The following VOPP1 variants were observed in gnomAD, a reference collection of about 807,000 sequenced individuals.
VOPP1 encodes WW domain binding protein VOPP1.
Under a neutral mutation model 23.5 loss-of-function variants are expected in VOPP1, and 8 were observed. The ratio of observed to expected loss-of-function variants is 0.34; its 90% CI spans 0.20 to 0.61. The LOEUF (loss-of-function observed/expected upper bound fraction) is 0.61. VOPP1 is among the 20% of genes least tolerant of loss of function. The pLI is 0.78. For synonymous variants in VOPP1, 83 were observed against 97.3 expected, an observed-to-expected ratio of 0.85 and a Z score of 0.86; for missense variants, 174 against 238.1, an observed-to-expected ratio of 0.73 and a Z score of 1.77.
At chr7:55,572,245 G>C (rs1284796189) in intron 1 of VOPP1, 26 bp downstream of exon 1, 3 of 1,511,434 alleles carry the variant, frequency 2.0e-6, no homozygotes, top group Admixed American at 2.0e-5. Flanking sequence ...CCGCGCCTCC[G>C]GCAGCACCCG....
chr7:55,473,018 T>G lies in VOPP1; in HGVS notation c.356A>C (p.Tyr119Ser), dbSNP rs200333153. The change falls in exon 5 of 5, where the codon TAC becomes TCC. Residue 119 changes from tyrosine to serine, a missense_variant. Physicochemically the swap from Tyr to Ser is moderately radical, Grantham distance 144 (BLOSUM62 -2). Transcript: ENST00000285279. ...PGAQQPGPPY[Y>S]TDPGGPGMNP... Reference sequence around the variant, plus strand: ...CATCCCCGGTCCTCCTGGGTCGGTGTAATAGGGCGGCCCCGGCTGCTGGGC... The same window carrying G: ...CATCCCCGGTCCTCCTGGGTCGGTGGAATAGGGCGGCCCCGGCTGCTGGGC... 255 of 1,598,762 alleles carry G rather than the reference T, an allele frequency of 1.6e-4. 1 individual carries two copies. Among genetic ancestry groups the G allele is most frequent in the Non-Finnish European group, 2.0e-4 (237 of 1,174,228 alleles).
Position 55,472,882 on chromosome 7 carries a change from C to T in VOPP1, c.492G>A (p.Pro164=), listed in dbSNP as rs534581582. Residue 164 remains proline, a synonymous_variant, in exon 5 of 5, where the codon CCG becomes CCA. Transcript: ENST00000285279. ...ACTTGGCCTTCACTACCTGTTCGTA[C>T]GGGGGCGGAGGCGTGTTGCAGTAGG... ...PPAYCNTPPP[P]YEQVVKAK is the part of the protein sequence containing the mutation. 2.7e-5 allele frequency: 38 copies of T among 1,430,178 alleles called. No individual in the cohort carries two copies. The highest frequency in any genetic ancestry group is 4.0e-4 in the Middle Eastern group (2 of 4,996). The allele number at this position is 1,430,178 out of a possible 1,614,324, so 88.6% of individuals were successfully genotyped here. A position where few individuals can be genotyped will look rare whatever the true frequency, so the allele number is the denominator to read the frequency against.
At chr7:55,557,347 A>T (rs541381753) in intron 1 of VOPP1, among the ~76,000 whole-genome samples, 85 of 152,244 alleles carry the variant, frequency 5.6e-4, no homozygotes, top group Non-Finnish European at 1.2e-3. Flanking sequence ...TACTTAAAAC[A>T]ATGCTGCCAC....
At chr7:55,522,179 C>T (rs1281654274) in intron 1 of VOPP1, among the ~76,000 whole-genome samples, 3 of 152,208 alleles carry the variant, frequency 2.0e-5, no homozygotes, top group Non-Finnish European at 4.4e-5. Flanking sequence ...CAGCAATGCC[C>T]TCCTGCCACG....
intron 4 of VOPP1, among the ~76,000 whole-genome samples, chr7:55,486,317 A>G (rs1317638963): frequency 6.6e-6 from 1 of 152,216 alleles, no homozygotes; most frequent in African/African-American, 2.4e-5. Flanking sequence ...TATAGTGGCT[A>G]AGGACATTAA....
intron 1 of VOPP1, among the ~76,000 whole-genome samples, chr7:55,572,035 G>A (rs1034832722): frequency 6.6e-6 from 1 of 152,134 alleles, no homozygotes; most frequent in Admixed American, 6.5e-5. Flanking sequence ...CCGCAGGGTG[G>A]GGGCGGGGTG....
chr7:55,470,077 G>A (rs771250234), downstream of VOPP1, among the ~76,000 whole-genome samples: 7 of 152,118 alleles, frequency 4.6e-5, no homozygotes, highest in Non-Finnish European at 7.3e-5. Context: ...AATAGAAAAT[G>A]CTTCTTTGCA....
intron 4 of VOPP1, among the ~76,000 whole-genome samples, chr7:55,439,257 T>TCG (rs1790906067): frequency 6.6e-6 from 1 of 151,960 alleles, no homozygotes; most frequent in South Asian, 2.1e-4. Context: ...GAAGGCGCAG[T>TCG]CACTGAGGTA....
At chr7:55,501,757 G>C (rs1794385914) in intron 2 of VOPP1, among the ~76,000 whole-genome samples, 3 of 152,126 alleles carry the variant, frequency 2.0e-5, no homozygotes, top group South Asian at 4.2e-4. Flanking sequence ...GGGGAATAAG[G>C]GGGGTGCAGA....
At chr7:55,495,533 A>G (rs1793891625) in intron 3 of VOPP1, among the ~76,000 whole-genome samples, 1 of 152,072 alleles carries the variant, frequency 6.6e-6, no homozygotes, top group South Asian at 2.1e-4. Context: ...CTCTGCCCCA[A>G]ACGCCCTCTC....
chr7:55,536,171 G>C (rs1289341465), intron 1 of VOPP1, among the ~76,000 whole-genome samples: 1 of 152,202 alleles, frequency 6.6e-6, no homozygotes, highest in Non-Finnish European at 1.5e-5. Context: ...GTTGTACTTG[G>C]ATTTGACTAT....
downstream of VOPP1, among the ~76,000 whole-genome samples, chr7:55,466,263 T>C (rs543082681): frequency 1.7e-4 from 26 of 152,200 alleles, no homozygotes; most frequent in Admixed American, 6.5e-4. Flanking sequence ...GAACACATTG[T>C]GACAAGAATT....
intron 2 of VOPP1, among the ~76,000 whole-genome samples, chr7:55,516,922 A>ATATATT (rs1159768624): frequency 1.7e-4 from 7 of 40,826 alleles, no homozygotes; most frequent in African/African-American, 6.6e-4. Flanking sequence ...ATATATATAT[A>ATATATT]TATATATATA....
intron 1 of VOPP1, among the ~76,000 whole-genome samples, chr7:55,536,621 G>C (rs887662606): frequency 6.6e-6 from 1 of 152,156 alleles, no homozygotes; most frequent in Non-Finnish European, 1.5e-5. Flanking sequence ...ACTTCATTGT[G>C]TCTCTCAAAA....
At chr7:55,548,343 A>G (rs1293549963) in intron 1 of VOPP1, among the ~76,000 whole-genome samples, 1 of 152,228 alleles carries the variant, frequency 6.6e-6, no homozygotes, top group Non-Finnish European at 1.5e-5. Context: ...TCCTCCCAGC[A>G]GACCCCAATG....
At chr7:55,457,050 T>C (rs531657117) in intron 4 of VOPP1, among the ~76,000 whole-genome samples, 33 of 152,314 alleles carry the variant, frequency 2.2e-4, no homozygotes, top group African/African-American at 7.9e-4. Context: ...TGTAACTTTG[T>C]ACCCATCAAC....
intron 4 of VOPP1, among the ~76,000 whole-genome samples, chr7:55,455,727 T>C (rs868057235): frequency 6.6e-6 from 1 of 152,208 alleles, no homozygotes; most frequent in Non-Finnish European, 1.5e-5. Context: ...TAATAAATGG[T>C]GTTGAGAAAA....
At chr7:55,503,978 G>C (rs1312069995) in intron 2 of VOPP1, among the ~76,000 whole-genome samples, 2 of 152,246 alleles carry the variant, frequency 1.3e-5, no homozygotes, top group Non-Finnish European at 2.9e-5. Context: ...CTCTGCATCT[G>C]GTGGAGCAGC....
intron 4 of VOPP1, among the ~76,000 whole-genome samples, chr7:55,490,395 A>G (rs540341551): frequency 6.6e-6 from 1 of 152,200 alleles, no homozygotes; most frequent in East Asian, 1.9e-4. Flanking sequence ...AGGAGTGCAC[A>G]TAGGGATGCA....
Sources: gnomAD v4.1 joint callset for allele counts (sites outside exome capture counted in the v4.1 genomes callset) on GRCh38, gnomAD v4.1.1 for gene constraint, MANE v1.5 for transcripts, NCBI Gene and HGNC (gene_info 2026-07-23, HGNC 2026-07-21) for gene names.